The following CMKLR2 variants were observed in gnomAD, a reference collection of about 807,000 sequenced individuals.
The protein encoded by CMKLR2 is chemerin-like receptor 2.
A neutral mutation model predicts 23.0 loss-of-function variants in CMKLR2; 18 were observed. That is an observed-to-expected ratio of 0.78 (90% confidence interval 0.54 to 1.16). The LOEUF (loss-of-function observed/expected upper bound fraction) is 1.16, where lower values mean the gene tolerates loss of function less well. CMKLR2 is among the 50% of genes most tolerant of loss of function. The pLI, the probability that CMKLR2 is intolerant of heterozygous loss-of-function variation, is 0.00. For missense variants in CMKLR2, 401 were observed against 412.7 expected (o/e 0.97, Z 0.25); for synonymous variants, 158 against 158.9 (o/e 0.99, Z 0.05).
chr2:206,194,084 C>T (rs1231553660), intron 1 of CMKLR2, among the ~76,000 whole-genome samples: 1 of 152,120 alleles, frequency 6.6e-6, no homozygotes, highest in Non-Finnish European at 1.5e-5. Context: ...AATCAGGGAC[C>T]TTGCAGAATA....
chr2:206,176,789 G>T lies in CMKLR2; in HGVS notation c.459C>A (p.Asn153Lys). The change falls in exon 2 of 2, where the codon AAC becomes AAA. Residue 153 changes from asparagine (N) to lysine (K), a missense_variant. Transcript: ENST00000621141. ...VLSHRHRTLK[N>K]SLIVIIFIWL... ...AGATGAATATAATGACAATCAGAGA[G>T]TTCTTGAGGGTTCGATGCCGATGAG... 6.2e-7 allele frequency: 1 copy of T among 1,614,146 alleles called. No individual in the cohort carries two copies. The highest frequency in any genetic ancestry group is 8.5e-7 in the Non-Finnish European group (1 of 1,180,022).
chr2:206,180,734 C>T (rs922720190), intron 1 of CMKLR2, among the ~76,000 whole-genome samples: 11 of 130,562 alleles, frequency 8.4e-5, no homozygotes, highest in Admixed American at 1.6e-4. Flanking sequence ...GTGCCCAGCC[C>T]ATTATTATTA....
intron 1 of CMKLR2, among the ~76,000 whole-genome samples, chr2:206,180,176 C>T (rs1473536557): frequency 1.3e-5 from 2 of 151,998 alleles, no homozygotes; most frequent in East Asian, 3.9e-4. Flanking sequence ...TGAGAATTTA[C>T]TAGATGCCAG....
chr2:206,206,561 G>T (rs1178489486), intron 1 of CMKLR2, among the ~76,000 whole-genome samples: 1 of 152,182 alleles, frequency 6.6e-6, no homozygotes, highest in Non-Finnish European at 1.5e-5. Flanking sequence ...ACTCTTCCCT[G>T]CCTCCAAAAA....
intron 1 of CMKLR2, among the ~76,000 whole-genome samples, chr2:206,204,177 C>T (rs1367524146): frequency 6.6e-6 from 1 of 151,732 alleles, no homozygotes; most frequent in Non-Finnish European, 1.5e-5. Context: ...ATGGTGAAAC[C>T]CCGTCTTTAC....
intron 1 of CMKLR2, among the ~76,000 whole-genome samples, chr2:206,185,732 G>A (rs1688557405): frequency 6.6e-6 from 1 of 152,160 alleles, no homozygotes; most frequent in East Asian, 1.9e-4. Flanking sequence ...ACGGTGGCTT[G>A]GATTAGGTGG....
chr2:206,192,822 C>A (rs1180375845), intron 1 of CMKLR2, among the ~76,000 whole-genome samples: 1 of 152,084 alleles, frequency 6.6e-6, no homozygotes, highest in African/African-American at 2.4e-5. Context: ...GGTTTCAGGA[C>A]CTCCCACACA....
chr2:206,195,166 A>G (rs1576053846), intron 1 of CMKLR2, among the ~76,000 whole-genome samples: 1 of 152,276 alleles, frequency 6.6e-6, no homozygotes, highest in African/African-American at 2.4e-5. Context: ...GTTCTGCAAA[A>G]TGGACATTGG....
intron 1 of CMKLR2, among the ~76,000 whole-genome samples, chr2:206,182,907 C>T (rs918178435): frequency 2.8e-4 from 42 of 151,990 alleles, no homozygotes; most frequent in Non-Finnish European, 4.7e-4. Flanking sequence ...AGTGAGCCAC[C>T]GCACCTGGCT....
rs1327844140 is a variant in CMKLR2, at chr2:206,176,872, A to T, written c.376T>A (p.Phe126Ile). ...TAQLNMFASVFFLTVISLDHY... is the reference protein window; with the variant it reads ...TAQLNMFASVIFLTVISLDHY... ...TCCAGGCTGATCACTGTCAGGAAAA[A>T]AACACTGGCAAACATGTTCAACTGG... The change falls in exon 2 of 2, where the codon TTT becomes ATT. Residue 126 changes from phenylalanine to isoleucine, a missense_variant. Coordinates refer to ENST00000621141, the MANE Select transcript of CMKLR2 (RefSeq NM_001389445.1). 6.2e-7 allele frequency: 1 copy of T among 1,614,210 alleles called. No individual in the cohort carries two copies. The highest frequency in any genetic ancestry group is 8.5e-7 in the Non-Finnish European group (1 of 1,180,034).
intron 1 of CMKLR2, among the ~76,000 whole-genome samples, chr2:206,181,951 C>CAAAA (rs34520665): frequency 2.9e-5 from 2 of 68,584 alleles, no homozygotes; most frequent in African/African-American, 6.0e-5. Flanking sequence ...AACTCCACCT[C>CAAAA]AAAAAAAAAA....
At position 206,175,540 on chromosome 2, in the gene CMKLR2, C is replaced by T. The variant is rs1267384827; in HGVS notation, c.*640G>A. 2.0e-5 allele frequency: 3 copies of T among 151,890 alleles called. No individual in the cohort carries two copies. The highest frequency in any genetic ancestry group is 6.6e-5 in the Admixed American group (1 of 15,222). 9.4% of individuals were successfully genotyped at this position (151,890 alleles called of 1,614,324 possible). On this transcript the variant is annotated 3_prime_UTR_variant, in exon 2 of 2. Transcript: ENST00000621141. ...GAGACAGAGTTTTACTCTTGTTGCC[C>T]AGGCTGGAGTGCAATGGTGTGATGT...
intron 1 of CMKLR2, among the ~76,000 whole-genome samples, chr2:206,190,305 T>G (rs891463252): frequency 3.3e-5 from 5 of 152,216 alleles, no homozygotes; most frequent in African/African-American, 7.2e-5. Context: ...AATGTCATGC[T>G]TAAGGGTTTG....
chr2:206,185,187 A>C (rs1030513065), intron 1 of CMKLR2, among the ~76,000 whole-genome samples: 1 of 152,136 alleles, frequency 6.6e-6, no homozygotes, highest in Non-Finnish European at 1.5e-5. Flanking sequence ...GGGTTTCACC[A>C]TGTTGGCCAG....
chr2:206,192,421 G>A (rs1283075437), intron 1 of CMKLR2, among the ~76,000 whole-genome samples: 1 of 130,910 alleles, frequency 7.6e-6, no homozygotes, highest in African/African-American at 2.9e-5. Context: ...CTGTTTATTT[G>A]GTTGGACATG....
At position 206,180,734 on chromosome 2, in the gene CMKLR2, C is replaced by CATTAATATTATT. The variant is rs1553513111; in HGVS notation, c.-28-3460_-28-3459insAATAATATTAAT. Among the ~76,000 whole-genome samples, 1,228 of 130,558 alleles carry CATTAATATTATT rather than the reference C, an allele frequency of 9.4e-3. 26 individuals carry two copies. The highest frequency in any genetic ancestry group is 0.033 in the African/African-American group (1,175 of 35,186). The allele number at this position is 130,558 out of a possible 152,430, so 85.7% of individuals were successfully genotyped here. On this transcript the variant is annotated intron_variant, in intron 1 of 1. Coordinates refer to ENST00000621141, the MANE Select transcript of CMKLR2 (RefSeq NM_001389445.1). ...CAGGAGTGAGTAACTGTGCCCAGCC[C>CATTAATATTATT]ATTATTATTATTATTATTATTATTA...
intron 1 of CMKLR2, among the ~76,000 whole-genome samples, chr2:206,193,386 C>T (rs1056413066): frequency 1.3e-5 from 2 of 152,140 alleles, no homozygotes; most frequent in South Asian, 2.1e-4. Flanking sequence ...TCACACCTGG[C>T]CCCAGCTGTG....
At chr2:206,216,103 A>G (rs892201278), upstream of CMKLR2, among the ~76,000 whole-genome samples, 1 of 152,142 alleles carries the variant, frequency 6.6e-6, no homozygotes. Flanking sequence ...AATTTTCTGA[A>G]GGCTGTTATG....
chr2:206,205,962 G>A (rs1392648545), intron 1 of CMKLR2, among the ~76,000 whole-genome samples: 1 of 152,098 alleles, frequency 6.6e-6, no homozygotes, highest in African/African-American at 2.4e-5. Context: ...GCCTCCTAAA[G>A]TGCTGGGATT....
Sources: gnomAD v4.1 joint callset for allele counts (sites outside exome capture counted in the v4.1 genomes callset) on GRCh38, gnomAD v4.1.1 for gene constraint, MANE v1.5 for transcripts, NCBI Gene and HGNC (gene_info 2026-07-23, HGNC 2026-07-21) for gene names.